CDKL5: variants seen among roughly 807,000 people sequenced by gnomAD.
CDKL5 encodes cyclin dependent kinase like 5, also known as cyclin-dependent kinase-like 5.
CDKL5 carries 8 observed loss-of-function variants against 61.7 expected under a neutral mutation model. The ratio of observed to expected loss-of-function variants is 0.13; its 90% CI spans 0.08 to 0.23. The LOEUF (loss-of-function observed/expected upper bound fraction) is 0.23. CDKL5 is among the 10% of genes least tolerant of loss of function. The pLI, the probability that CDKL5 is intolerant of heterozygous loss-of-function variation, is 1.00. For missense variants in CDKL5, 440 were observed against 734.5 expected (o/e 0.60, Z 4.63); for synonymous variants, 275 against 272.3 (o/e 1.01, Z -0.10).
intron 4 of CDKL5, among the ~76,000 whole-genome samples, chrX:18,572,678 C>T (rs1446372753): frequency 8.9e-6 from 1 of 111,984 alleles, no homozygotes; most frequent in Non-Finnish European, 1.9e-5. Flanking sequence ...TTTGCCCTCC[C>T]GTTGCTGTGG....
chrX:18,598,719 C>A, intron 11 of CDKL5, 106 bp downstream of exon 11: 1 of 769,117 alleles, frequency 1.3e-6, no homozygotes, highest in Non-Finnish European at 2.0e-6. Context: ...GGAAAGCCCT[C>A]TTTATTCAAA....
rs771855367 is a variant in CDKL5, at chrX:18,545,635, C to T, written c.100-18842C>T. Reference sequence around the variant, plus strand: ...AAATGTAGAATCAAAGTTTCATTTACATGCATATTCTATGTACTTGGTACT... The same window carrying T: ...AAATGTAGAATCAAAGTTTCATTTATATGCATATTCTATGTACTTGGTACT... On this transcript the variant is annotated intron_variant, in intron 3 of 17. Coordinates refer to ENST00000623535, the MANE Select transcript of CDKL5 (RefSeq NM_001323289.2). Among the ~76,000 whole-genome samples, 12 of 112,606 alleles carry T rather than the reference C, an allele frequency of 1.1e-4. No individual in the cohort carries two copies. The South Asian group carries it at 2.5e-3, about 24-fold the overall frequency.
At position 18,575,402 on chromosome X, in the gene CDKL5, G is replaced by A. The variant is rs267608436; in HGVS notation, c.194G>A (p.Arg65Gln). The A allele has an allele frequency of 1.7e-5, 20 of 1,204,986 alleles. No homozygotes were observed. The highest frequency in any genetic ancestry group is 2.2e-5 in the Admixed American group (1 of 45,679). ...ACTTTACGAGAGCTTAAAATGCTTC[G>A]GACTCTCAAGCAGGAAAACATTGTG... The part of the protein sequence containing the change: ...ETTLRELKML[R>Q]TLKQENIVEL... The change falls in exon 5 of 18, where the codon CGG becomes CAG. Residue 65 changes from arginine (R) to glutamine (Q), a missense_variant. Arg to Gln is a conservative substitution (Grantham distance 43). Transcript: ENST00000623535.
intron 1 of CDKL5, among the ~76,000 whole-genome samples, chrX:18,489,452 C>T (rs1267488704): frequency 9.0e-6 from 1 of 110,964 alleles, no homozygotes; most frequent in Non-Finnish European, 1.9e-5. Flanking sequence ...GGAGCCACTG[C>T]ACAGACTGCC....
intron 2 of CDKL5, among the ~76,000 whole-genome samples, chrX:18,509,731 A>G (rs1922756273): frequency 8.9e-6 from 1 of 111,768 alleles, no homozygotes; most frequent in African/African-American, 3.3e-5. Context: ...ACTTGTTGAA[A>G]TACACCAAAG....
rs771419774 is a variant in CDKL5, at chrX:18,593,382, A to G, written c.745-1966A>G. On this transcript the variant is annotated intron_variant, in intron 9 of 17. Transcript: ENST00000623535. ...TTCGACTTTCAGCATTAATTTTCTT[A>G]TCAATGAAATTTCACTCCTAGAAAA... is the stretch of plus-strand genomic sequence containing the variant. Among the ~76,000 whole-genome samples, 9 of 112,125 alleles carry G rather than the reference A, an allele frequency of 8.0e-5. 1 individual carries two copies. Among genetic ancestry groups the G allele is most frequent in the African/African-American group, 2.3e-4 (7 of 30,918 alleles).
chrX:18,559,332 C>T (rs1176664318), intron 3 of CDKL5, among the ~76,000 whole-genome samples: 2 of 111,664 alleles, frequency 1.8e-5, no homozygotes, highest in African/African-American at 6.5e-5. Flanking sequence ...CCTCAGCCTC[C>T]CAAGTAGCTG....
chrX:18,649,520 G>A (rs1050549531), intron 20 of CDKL5, among the ~76,000 whole-genome samples: 8 of 111,888 alleles, frequency 7.2e-5, no homozygotes, highest in Admixed American at 3.8e-4. Flanking sequence ...CTCTGGCCGG[G>A]GAGGCTTAAC....
chrX:18,610,175 C>G (rs754854530), intron 14 of CDKL5, among the ~76,000 whole-genome samples: 8 of 105,739 alleles, frequency 7.6e-5, no homozygotes, highest in Admixed American at 6.3e-4. Flanking sequence ...GGATGTCATT[C>G]CAGACTTCCC....
At chrX:18,504,669 C>T (rs1340936655) in intron 1 of CDKL5, among the ~76,000 whole-genome samples, 2 of 111,407 alleles carry the variant, frequency 1.8e-5, no homozygotes, top group African/African-American at 3.3e-5. Context: ...CGGTGGCTCA[C>T]GCCTGTAATC....
chrX:18,644,668 A>G (rs1310286807), downstream of CDKL5: 2 of 1,178,216 alleles, frequency 1.7e-6, no homozygotes, highest in Non-Finnish European at 2.3e-6. Context: ...CCCCCTGTGC[A>G]TGTCTGCAAA....
At chrX:18,528,610 C>T (rs1427693837) in intron 3 of CDKL5, among the ~76,000 whole-genome samples, 1 of 109,405 alleles carries the variant, frequency 9.1e-6, no homozygotes, top group Non-Finnish European at 1.9e-5. Context: ...CTCTCTCTTT[C>T]TCTTGCTTTG....
At chrX:18,602,696 G>T (rs1455184622) in intron 11 of CDKL5, among the ~76,000 whole-genome samples, 3 of 110,613 alleles carry the variant, frequency 2.7e-5, no homozygotes, top group Non-Finnish European at 5.7e-5. Context: ...CTAGGAAATG[G>T]GTCCTTATGT....
intron 14 of CDKL5, among the ~76,000 whole-genome samples, chrX:18,612,066 C>G (rs1926570250): frequency 9.0e-6 from 1 of 111,276 alleles, no homozygotes; most frequent in Non-Finnish European, 1.9e-5. Flanking sequence ...AATAACTATC[C>G]CCCCAAAAGC....
chrX:18,557,486 A>G (rs1401742860), intron 3 of CDKL5, among the ~76,000 whole-genome samples: 7 of 111,663 alleles, frequency 6.3e-5, no homozygotes, highest in Admixed American at 3.8e-4. Context: ...ATACTGAGGA[A>G]TAACTGTTAT....
intron 21 of CDKL5, among the ~76,000 whole-genome samples, chrX:18,653,021 C>A (rs1928115325): frequency 1.8e-5 from 2 of 112,326 alleles, no homozygotes; most frequent in African/African-American, 6.5e-5. Context: ...AGATTCCAGA[C>A]AGATGTGAAT....
chrX:18,573,525 C>T (rs1370851423), intron 4 of CDKL5, among the ~76,000 whole-genome samples: 1 of 112,328 alleles, frequency 8.9e-6, no homozygotes, highest in Non-Finnish European at 1.9e-5. Context: ...ATGCTCTAAG[C>T]TACTTTGGGA....
intron 21 of CDKL5, among the ~76,000 whole-genome samples, chrX:18,652,618 A>G (rs1157635401): frequency 2.7e-5 from 3 of 111,647 alleles, no homozygotes; most frequent in Admixed American, 1.9e-4. Context: ...GCAGTGAGCC[A>G]AGATCGTGCC....
In CDKL5 at chrX:18,628,930, A is replaced by G; in HGVS notation, c.*173A>G. 2 of 1,053,970 alleles carry G rather than the reference A, an allele frequency of 1.9e-6. No homozygotes were observed. Among genetic ancestry groups the G allele is most frequent in the Non-Finnish European group, 2.4e-6 (2 of 824,537 alleles). 86.9% of individuals were successfully genotyped at this position (1,053,970 alleles called of 1,213,427 possible). A position where few individuals can be genotyped will look rare whatever the true frequency, so the allele number is the denominator to read the frequency against. On this transcript the variant is annotated 3_prime_UTR_variant, in exon 18 of 18. Transcript: ENST00000623535. ...GCCGTTGAGCTCCTCGCGGCCACAA[A>G]TGCTAGTCAGGGATCTTAGAGCCAC...
Sources: gnomAD v4.1 joint callset for allele counts (sites outside exome capture counted in the v4.1 genomes callset) on GRCh38, gnomAD v4.1.1 for gene constraint, MANE v1.5 for transcripts, NCBI Gene and HGNC (gene_info 2026-07-23, HGNC 2026-07-21) for gene names.